Variants in CTNNA3 observed in about 807,000 individuals in gnomAD.
CTNNA3 encodes catenin alpha-3.
CTNNA3 carries 76 observed loss-of-function variants against 95.7 expected under a neutral mutation model. The observed-to-expected ratio is 0.79, with a 90% CI of 0.66 to 0.96. The LOEUF (loss-of-function observed/expected upper bound fraction) is 0.96. CTNNA3 is among the 40% of genes least tolerant of loss of function. The pLI is 0.00. For synonymous variants in CTNNA3, 431 were observed against 374.4 expected, an observed-to-expected ratio of 1.15 and a Z score of -1.74; for missense variants, 1,191 against 1,089.8, an observed-to-expected ratio of 1.09 and a Z score of -1.31.
intron 5 of CTNNA3, among the ~76,000 whole-genome samples, chr10:67,328,243 T>C (rs1369660836): frequency 6.6e-6 from 1 of 152,056 alleles, no homozygotes; most frequent in Non-Finnish European, 1.5e-5. Flanking sequence ...CTGCTGGAGC[T>C]CTCTACCAGT....
At chr10:66,836,704 A>G (rs1168497115) in intron 7 of CTNNA3, among the ~76,000 whole-genome samples, 3 of 152,178 alleles carry the variant, frequency 2.0e-5, no homozygotes, top group African/African-American at 7.2e-5. Context: ...TATGGAATGC[A>G]TGCTCTTAGA....
intron 7 of CTNNA3, among the ~76,000 whole-genome samples, chr10:67,114,765 C>T (rs1470296077): frequency 1.6e-5 from 2 of 125,668 alleles, no homozygotes; most frequent in African/African-American, 6.8e-5. Context: ...GGAAGGTGTC[C>T]TGGAGAGGAT....
At chr10:67,361,958 A>C (rs1564596172) in intron 5 of CTNNA3, among the ~76,000 whole-genome samples, 2 of 152,260 alleles carry the variant, frequency 1.3e-5, no homozygotes, top group East Asian at 3.9e-4. Context: ...TTTCATAGAA[A>C]TACAAAAGAT....
intron 7 of CTNNA3, among the ~76,000 whole-genome samples, chr10:67,027,787 T>C (rs1214777522): frequency 6.6e-6 from 1 of 152,184 alleles, no homozygotes; most frequent in Non-Finnish European, 1.5e-5. Context: ...ATATAATATG[T>C]CCACCAGAGT....
chr10:66,431,082 A>G (rs1421688375), intron 11 of CTNNA3, among the ~76,000 whole-genome samples: 2 of 152,032 alleles, frequency 1.3e-5, no homozygotes, highest in Admixed American at 1.3e-4. Flanking sequence ...AAAAGTGGGC[A>G]AAGGATATGA....
At position 67,590,249 on chromosome 10, in the gene CTNNA3, C is replaced by T. The variant is rs191248816; in HGVS notation, c.292+16608G>A. On this transcript the variant is annotated intron_variant, in intron 3 of 17. Transcript: ENST00000433211. ...CTAAGGCTTTACTATCCTAGGGGAT[C>T]CCAAAGGGACAGGCCATGTGTGTTT... Among the ~76,000 whole-genome samples the T allele has an allele frequency of 2.5e-3, 378 of 152,226 alleles. 3 individuals are homozygous for T. Among genetic ancestry groups the T allele is most frequent in the Middle Eastern group, 0.01 (3 of 294 alleles).
chr10:67,752,459 T>G (rs1440037638), intron 1 of CTNNA3, among the ~76,000 whole-genome samples: 1 of 152,060 alleles, frequency 6.6e-6, no homozygotes, highest in Admixed American at 6.5e-5. Flanking sequence ...CTATTCAACA[T>G]AGTATGGAAG....
At chr10:66,950,145 CT>C (rs1848465597) in intron 7 of CTNNA3, among the ~76,000 whole-genome samples, 1 of 152,140 alleles carries the variant, frequency 6.6e-6, no homozygotes, top group Non-Finnish European at 1.5e-5. Context: ...TGGAACATTG[CT>C]TTTTGACAAA....
At chr10:66,890,918 G>A (rs1845245157) in intron 7 of CTNNA3, among the ~76,000 whole-genome samples, 1 of 152,068 alleles carries the variant, frequency 6.6e-6, no homozygotes, top group East Asian at 1.9e-4. Context: ...AGCAGGGGCA[G>A]GATAAGAGCC....
intron 4 of CTNNA3, among the ~76,000 whole-genome samples, chr10:67,525,549 T>C (rs1840115722): frequency 6.6e-6 from 1 of 152,114 alleles, no homozygotes; most frequent in Non-Finnish European, 1.5e-5. Context: ...CATATATAAA[T>C]AAATCTAAGC....
intron 13 of CTNNA3, among the ~76,000 whole-genome samples, chr10:66,200,231 A>AAGGGAAGGGAGGGGAGGGGAGGAG (rs2087308626): frequency 1.4e-5 from 2 of 144,374 alleles, no homozygotes; most frequent in Non-Finnish European, 3.0e-5. Context: ...AAGGGAAGGT[A>AAGGGAAGGGAGGGGAGGGGAGGAG]AGGGAAGGGA....
At chr10:66,289,275 A>C (rs2091639781) in intron 12 of CTNNA3, among the ~76,000 whole-genome samples, 1 of 121,510 alleles carries the variant, frequency 8.2e-6, no homozygotes, top group African/African-American at 3.2e-5. Context: ...TCCTATATGC[A>C]AGGGGTACAA....
Position 67,604,809 on chromosome 10 carries a change from C to T in CTNNA3, c.292+2048G>A, listed in dbSNP as rs528582300. ...TGGTGACTAAGATGATGATCAAGAA[C>T]AAGGACAAAGAGAGGGTCTCAGTTG... is the stretch of plus-strand genomic sequence containing the variant. On this transcript the variant is annotated intron_variant, in intron 3 of 17. Transcript: ENST00000433211. Among the ~76,000 whole-genome samples, 24 of 152,216 alleles carry T rather than the reference C, an allele frequency of 1.6e-4. 1 individual carries two copies. The South Asian group carries it at 4.8e-3, about 30-fold the overall frequency.
In CTNNA3 at chr10:67,181,819, G is replaced by T. The variant is rs140158020; in HGVS notation, c.844-1299C>A. Among the ~76,000 whole-genome samples the T allele has an allele frequency of 1.6e-4, 25 of 151,888 alleles. No individual in the cohort carries two copies. The East Asian group carries it at 4.3e-3, about 26-fold the overall frequency. On this transcript the variant is annotated intron_variant, in intron 6 of 17. Transcript: ENST00000433211. ...GGAAGAAAAAATTATTATAGAAAAA[G>T]ATATAGTTTTAAAACATTTTTTTTA... is the stretch of plus-strand genomic sequence containing the variant.
At chr10:66,488,227 C>T (rs186253739) in intron 11 of CTNNA3, among the ~76,000 whole-genome samples, 137 of 152,284 alleles carry the variant, frequency 9.0e-4, no homozygotes, top group Non-Finnish European at 1.2e-3. Flanking sequence ...CTTGAAATAA[C>T]TATAGCAATA....
chr10:67,646,361 G>A (rs1206852998), intron 2 of CTNNA3, among the ~76,000 whole-genome samples: 3 of 150,936 alleles, frequency 2.0e-5, no homozygotes, highest in Non-Finnish European at 4.4e-5. Flanking sequence ...GGCTAAGACG[G>A]ACTTTAATGA....
chr10:67,259,106 A>G (rs1388738848), intron 5 of CTNNA3, among the ~76,000 whole-genome samples: 9 of 152,138 alleles, frequency 5.9e-5, no homozygotes, highest in African/African-American at 2.2e-4. Context: ...TTGAATCTGC[A>G]GATAGGAAAC....
At chr10:66,922,501 T>A (rs1846844989) in intron 7 of CTNNA3, among the ~76,000 whole-genome samples, 1 of 152,186 alleles carries the variant, frequency 6.6e-6, no homozygotes, top group African/African-American at 2.4e-5. Context: ...TATTTTGTTT[T>A]GGATTTCTCA....
Position 67,741,525 on chromosome 10 carries a change from A to G in CTNNA3, c.-2+21909T>C, listed in dbSNP as rs1429450993. ...AAGGAAGCACTAAACATGGAAAGGA[A>G]CAACTGGTACCAGCTACTGCAAAAA... On this transcript the variant is annotated intron_variant, in intron 1 of 17. Coordinates refer to the CTNNA3 transcript ENST00000684154. Among the ~76,000 whole-genome samples the G allele has an allele frequency of 2.0e-5, 3 of 151,170 alleles. No individual in the cohort carries two copies. In the South Asian group the frequency reaches 6.4e-4, roughly 32 times the overall value.
Sources: gnomAD v4.1 joint callset for allele counts (sites outside exome capture counted in the v4.1 genomes callset) on GRCh38, gnomAD v4.1.1 for gene constraint, MANE v1.5 for transcripts, NCBI Gene and HGNC (gene_info 2026-07-23, HGNC 2026-07-21) for gene names.